The following GNG2 variants were observed in gnomAD, a reference collection of about 807,000 sequenced individuals.
The protein encoded by GNG2 is guanine nucleotide-binding protein G(I)/G(S)/G(O) subunit gamma-2.
A neutral mutation model predicts 5.5 loss-of-function variants in GNG2; 5 were observed. That is an observed-to-expected ratio of 0.91 (90% CI 0.48 to 1.92). GNG2 has a LOEUF of 1.92. Ranked by LOEUF, GNG2 falls within the 30% of genes most tolerant of loss-of-function variation. The pLI, the probability that GNG2 is intolerant of heterozygous loss-of-function variation, is 0.01. For missense variants in GNG2, 55 were observed against 88.4 expected (o/e 0.62, Z 1.52); for synonymous variants, 28 against 32.0 (o/e 0.88, Z 0.42).
In GNG2 at chr14:51,914,163, T is replaced by C; in HGVS notation, c.-29-36487T>C. On this transcript the variant is annotated intron_variant, in intron 2 of 3. Coordinates refer to ENST00000556766, the MANE Select transcript of GNG2 (RefSeq NM_053064.5). The stretch of plus-strand genomic sequence containing the variant: ...TTTGGGGGAATGGAGTCATTCCATA[T>C]TGGCTCTTGAGTATGTCTGCCACCA... The C allele has an allele frequency of 5.7e-6, 4 of 699,822 alleles. 1 individual carries two copies. Among genetic ancestry groups the C allele is most frequent in the South Asian group, 3.0e-5 (2 of 67,104 alleles). The allele number at this position is 699,822 out of a possible 1,614,324, so 43.4% of individuals were successfully genotyped here.
At chr14:51,847,596 G>C (rs1881677286) in intron 2 of GNG2, among the ~76,000 whole-genome samples, 1 of 152,160 alleles carries the variant, frequency 6.6e-6, no homozygotes, top group East Asian at 1.9e-4. Flanking sequence ...GTTAACCAGT[G>C]AGATTATCTT....
chr14:51,961,415 A>C (rs1178293026), intron 3 of GNG2, among the ~76,000 whole-genome samples: 1 of 152,204 alleles, frequency 6.6e-6, no homozygotes, highest in African/African-American at 2.4e-5. Context: ...CTCCTTCAGC[A>C]ATTACTATGA....
intron 2 of GNG2, among the ~76,000 whole-genome samples, chr14:51,845,596 G>A (rs1476544012): frequency 6.6e-6 from 1 of 152,210 alleles, no homozygotes; most frequent in Non-Finnish European, 1.5e-5. Context: ...GAGAGATTCT[G>A]TGAAGGCAGT....
intron 2 of GNG2, among the ~76,000 whole-genome samples, chr14:51,851,664 A>G (rs903115950): frequency 6.6e-6 from 1 of 152,230 alleles, no homozygotes; most frequent in African/African-American, 2.4e-5. Flanking sequence ...GTTTCCTTAG[A>G]CAGTTATTCC....
chr14:51,870,748 C>T (rs950515831), intron 1 of GNG2, among the ~76,000 whole-genome samples: 4 of 152,192 alleles, frequency 2.6e-5, no homozygotes, highest in Admixed American at 2.0e-4. Context: ...CCATTACTGT[C>T]GCATTCTCTT....
intron 2 of GNG2, among the ~76,000 whole-genome samples, chr14:51,848,757 T>A (rs924513857): frequency 1.3e-5 from 2 of 152,030 alleles, no homozygotes; most frequent in African/African-American, 4.8e-5. Flanking sequence ...AATGGGCTAG[T>A]GTTGGAGGAA....
chr14:51,951,771 C>T (rs1888989051), intron 3 of GNG2: 2 of 625,646 alleles, frequency 3.2e-6, no homozygotes, highest in Non-Finnish European at 5.6e-6. Context: ...TATTAGAACA[C>T]ACTCATTTAC....
rs113283790 is a variant in GNG2 at position 51,942,786 on chromosome 14, G to A, written c.-29-7864G>A. Among the ~76,000 whole-genome samples the A allele has an allele frequency of 4.3e-3, 650 of 151,474 alleles. 2 individuals are homozygous for A. The highest frequency in any genetic ancestry group is 0.015 in the African/African-American group (630 of 41,260). On this transcript the variant is annotated intron_variant, in intron 2 of 3. Transcript: ENST00000556766. ...AATTCTTAAAGAATCAACCTTTGGTGTGAAAATTTTCCCATTCAAATTTAA... is the reference window on the plus strand; with the variant it reads ...AATTCTTAAAGAATCAACCTTTGGTATGAAAATTTTCCCATTCAAATTTAA...
chr14:51,932,667 A>G (rs1887736742), intron 2 of GNG2, among the ~76,000 whole-genome samples: 1 of 152,190 alleles, frequency 6.6e-6, no homozygotes, highest in African/African-American at 2.4e-5. Flanking sequence ...TTGGTAAAAT[A>G]AGAAAGAGCA....
chr14:51,847,532 C>G (rs1881673682), intron 2 of GNG2, among the ~76,000 whole-genome samples: 1 of 151,978 alleles, frequency 6.6e-6, no homozygotes, highest in Admixed American at 6.6e-5. Context: ...CCTGTCACAT[C>G]CTGGAGCTGA....
intron 1 of GNG2, among the ~76,000 whole-genome samples, chr14:51,870,272 T>G (rs1883214343): frequency 6.6e-6 from 1 of 152,148 alleles, no homozygotes; most frequent in Non-Finnish European, 1.5e-5. Flanking sequence ...AACTTGTTTT[T>G]GTTGTTAGCA....
At chr14:51,943,840 C>T (rs1295689777) in intron 2 of GNG2, among the ~76,000 whole-genome samples, 1 of 152,126 alleles carries the variant, frequency 6.6e-6, no homozygotes, top group African/African-American at 2.4e-5. Flanking sequence ...GATTAGAAGA[C>T]AATAGTGTTA....
At chr14:51,882,813 T>C (rs1272238353) in intron 2 of GNG2, among the ~76,000 whole-genome samples, 1 of 151,872 alleles carries the variant, frequency 6.6e-6, no homozygotes, top group Non-Finnish European at 1.5e-5. Context: ...ATCGGGACCA[T>C]CCTGGCTAAC....
intron 2 of GNG2, among the ~76,000 whole-genome samples, chr14:51,944,291 T>C (rs368428275): frequency 2.6e-5 from 4 of 152,210 alleles, no homozygotes; most frequent in Non-Finnish European, 4.4e-5. Context: ...ATGTGCAAGA[T>C]CAAGATGTCA....
At chr14:51,911,343 A>G (rs778797486) in intron 2 of GNG2, among the ~76,000 whole-genome samples, 5 of 152,134 alleles carry the variant, frequency 3.3e-5, no homozygotes, top group Non-Finnish European at 5.9e-5. Context: ...ATGAGAATGA[A>G]ATAGTCCCTA....
At chr14:51,829,302 A>G (rs1413332378) in intron 2 of GNG2, among the ~76,000 whole-genome samples, 1 of 152,096 alleles carries the variant, frequency 6.6e-6, no homozygotes, top group Non-Finnish European at 1.5e-5. Flanking sequence ...CCCAACTCCC[A>G]AAAGTTCTTT....
rs1890097470 is a variant in GNG2 at position 51,969,348 on chromosome 14, T to C, written c.*2661T>C. The C allele has an allele frequency of 6.6e-6, 1 of 152,194 alleles. No homozygotes were observed. The highest frequency in any genetic ancestry group is 1.5e-5 in the Non-Finnish European group (1 of 68,026). 9.4% of individuals were successfully genotyped at this position (152,194 alleles called of 1,614,324 possible). A position where few individuals can be genotyped will look rare whatever the true frequency, so the allele number is the denominator to read the frequency against. On this transcript the variant is annotated 3_prime_UTR_variant, in exon 4 of 4. Transcript: ENST00000556766. ...TTTAAAAAGTGTTATTTTTAAAACA[T>C]TTGAAACCAAGTACTGTTTAATTTC...
chr14:51,948,655 C>T (rs1268912590), intron 2 of GNG2, among the ~76,000 whole-genome samples: 1 of 152,160 alleles, frequency 6.6e-6, no homozygotes, highest in Non-Finnish European at 1.5e-5. Context: ...GGGTCTCTAA[C>T]CATGCTAATG....
intron 2 of GNG2, among the ~76,000 whole-genome samples, chr14:51,895,392 A>G (rs1326157734): frequency 1.3e-5 from 2 of 152,240 alleles, no homozygotes; most frequent in African/African-American, 2.4e-5. Flanking sequence ...TAAGGTAGAC[A>G]ATATTTCCAG....
Sources: allele counts gnomAD v4.1 joint callset (sites outside exome capture counted in the v4.1 genomes callset), GRCh38; gene constraint gnomAD v4.1.1; transcripts MANE v1.5; gene names NCBI Gene and HGNC (gene_info 2026-07-23, HGNC 2026-07-21).